Variants in FHOD3 observed in about 807,000 individuals in gnomAD.
FHOD3 encodes FH1/FH2 domain-containing protein 3.
In FHOD3, 90 loss-of-function variants were observed where a neutral mutation model predicts 173.0. The observed-to-expected ratio is 0.52, with a 90% CI of 0.44 to 0.62. The LOEUF is 0.62. Ranked by LOEUF, FHOD3 falls within the 20% of genes least tolerant of loss-of-function variation. The probability of loss-of-function intolerance (pLI) is 0.00; values close to 1 mark genes in which losing one functional copy is unlikely to be tolerated. For synonymous variants in FHOD3, 828 were observed against 823.0 expected (o/e 1.01, Z -0.10); for missense variants, 1,945 against 2,034.7 (o/e 0.96, Z 0.85).
At chr18:36,733,722 G>A (rs2041488391) in intron 20 of FHOD3, among the ~76,000 whole-genome samples, 1 of 152,208 alleles carries the variant, frequency 6.6e-6, no homozygotes, top group Non-Finnish European at 1.5e-5. Flanking sequence ...GGATATGGGA[G>A]TAGCAGCACA....
intron 4 of FHOD3, among the ~76,000 whole-genome samples, chr18:36,502,956 T>C (rs1335546659): frequency 6.6e-6 from 1 of 152,194 alleles, no homozygotes; most frequent in Non-Finnish European, 1.5e-5. Flanking sequence ...TTGCATTGGA[T>C]GAATAAAACA....
chr18:36,754,973 T>G, intron 24 of FHOD3, 146 bp from the exon 25 acceptor site: 2 of 176,388 alleles, frequency 1.1e-5, no homozygotes, highest in Admixed American at 7.9e-5. Context: ...GCTTGTTGGT[T>G]TCTTTATTAT....
intron 18 of FHOD3, among the ~76,000 whole-genome samples, chr18:36,714,450 C>G (rs1385429398): frequency 1.3e-5 from 2 of 152,132 alleles, no homozygotes; most frequent in Non-Finnish European, 2.9e-5. Context: ...AGACATGAAA[C>G]TGTTTGAACT....
At chr18:36,538,665 C>T (rs1419426055) in intron 5 of FHOD3, among the ~76,000 whole-genome samples, 1 of 152,192 alleles carries the variant, frequency 6.6e-6, no homozygotes, top group Non-Finnish European at 1.5e-5. Context: ...GCACATACAA[C>T]TTGGATGGAT....
chr18:36,361,685 CAAAAAAAAAA>C (rs539956783), intron 2 of FHOD3, among the ~76,000 whole-genome samples: 3 of 66,914 alleles, frequency 4.5e-5, no homozygotes, highest in South Asian at 1.1e-3. Flanking sequence ...GACTCCGTCT[CAAAAAAAAAA>C]AAAAAAGAAA....
intron 9 of FHOD3, among the ~76,000 whole-genome samples, chr18:36,619,715 A>G (rs2848922): frequency 0.98 from 148,713 of 152,350 alleles, 72,700 homozygotes; most frequent in East Asian, 1. Context: ...CTGCCCTGAG[A>G]GGGCACATAC....
intron 20 of FHOD3, among the ~76,000 whole-genome samples, chr18:36,732,031 G>C (rs1028047923): frequency 6.6e-6 from 1 of 152,200 alleles, no homozygotes; most frequent in African/African-American, 2.4e-5. Flanking sequence ...TCCAATGACT[G>C]GTATCCTTAT....
chr18:36,557,324 AT>A (rs1190516367), intron 5 of FHOD3, among the ~76,000 whole-genome samples: 1 of 151,286 alleles, frequency 6.6e-6, no homozygotes, highest in Non-Finnish European at 1.5e-5. Flanking sequence ...TTTATTTTAA[AT>A]TTTTTTTTAA....
chr18:36,664,374 A>G (rs1190380141), intron 14 of FHOD3, among the ~76,000 whole-genome samples: 1 of 152,122 alleles, frequency 6.6e-6, no homozygotes, highest in African/African-American at 2.4e-5. Context: ...CAGTCTTCCC[A>G]CTTGCCTGCC....
intron 3 of FHOD3, among the ~76,000 whole-genome samples, chr18:36,399,060 G>A (rs2048682952): frequency 6.6e-6 from 1 of 152,158 alleles, no homozygotes; most frequent in Non-Finnish European, 1.5e-5. Flanking sequence ...TTGGAGGAGA[G>A]TTTGGGTACC....
At chr18:36,652,996 C>T (rs1433149320) in intron 12 of FHOD3, 67 bp downstream of exon 12, 14 of 1,455,836 alleles carry the variant, frequency 9.6e-6, no homozygotes, top group Non-Finnish European at 9.9e-6. Flanking sequence ...GTGTTAACTG[C>T]ACCCCTTGGC....
At chr18:36,432,018 T>G (rs2147261124) in intron 3 of FHOD3, among the ~76,000 whole-genome samples, 1 of 152,350 alleles carries the variant, frequency 6.6e-6, no homozygotes, top group East Asian at 1.9e-4. Context: ...CCTGTCTCCC[T>G]TTGGTGATTC....
chr18:36,349,413 T>G (rs897784652), intron 1 of FHOD3, among the ~76,000 whole-genome samples: 2 of 152,210 alleles, frequency 1.3e-5, no homozygotes, highest in Admixed American at 1.3e-4. Context: ...AGGATGTGGA[T>G]GCAGGGATGG....
intron 14 of FHOD3, among the ~76,000 whole-genome samples, chr18:36,670,541 T>C (rs1568581119): frequency 6.6e-6 from 1 of 152,234 alleles, no homozygotes; most frequent in Admixed American, 6.5e-5. Context: ...TCTTTCTTAA[T>C]ACCTTTCATA....
chr18:36,657,555 TG>T (rs1317728945), intron 13 of FHOD3, among the ~76,000 whole-genome samples: 1 of 152,206 alleles, frequency 6.6e-6, no homozygotes, highest in African/African-American at 2.4e-5. Context: ...CCAGAAAGCC[TG>T]GGGACAGTTT....
chr18:36,691,159 C>G (rs1301902240), intron 16 of FHOD3, among the ~76,000 whole-genome samples: 2 of 152,158 alleles, frequency 1.3e-5, no homozygotes, highest in Non-Finnish European at 2.9e-5. Context: ...CCTGGCTGCC[C>G]ACAGAGAGGC....
At chr18:36,453,143 A>C (rs2051965348) in intron 3 of FHOD3, among the ~76,000 whole-genome samples, 2 of 152,248 alleles carry the variant, frequency 1.3e-5, no homozygotes, top group South Asian at 4.1e-4. Flanking sequence ...TTTTTGATCA[A>C]ACTAATTCTA....
rs1477044620 is a variant in FHOD3 at position 36,625,602 on chromosome 18, G to C, written c.1049G>C (p.Gly350Ala). ...AGGAGGGCCAGCGTGTGTTCCAGTG[G>C]CGGAGGCGAGCACCGGGGCCTGGAC... ...DRRRASVCSSGGGEHRGLDRR... is the reference protein window; with the variant it reads ...DRRRASVCSSAGGEHRGLDRR... Residue 350 changes from glycine (G) to alanine (A), a missense_variant, in exon 10 of 29, where the codon GGC becomes GCC. Physicochemically the swap from Gly to Ala is moderately conservative, Grantham distance 60. Transcript: ENST00000590592. The C allele has an allele frequency of 6.3e-7, 1 of 1,583,310 alleles. No homozygotes were observed. The highest frequency in any genetic ancestry group is 1.1e-5 in the South Asian group (1 of 88,212).
At chr18:36,653,449 A>G (rs1373979188) in intron 13 of FHOD3, 33 bp downstream of exon 13, 1 of 1,426,534 alleles carries the variant, frequency 7.0e-7, no homozygotes, top group Non-Finnish European at 9.5e-7. Flanking sequence ...CCTTTTCTGT[A>G]GCTTTCTGTT....
Sources: gnomAD v4.1 joint callset for allele counts (sites outside exome capture counted in the v4.1 genomes callset) on GRCh38, gnomAD v4.1.1 for gene constraint, MANE v1.5 for transcripts, NCBI Gene and HGNC (gene_info 2026-07-23, HGNC 2026-07-21) for gene names.